SIM1: variants seen among roughly 807,000 people sequenced by gnomAD.
SIM1 encodes the protein SIM bHLH transcription factor 1.
In SIM1, 18 loss-of-function variants were observed where a neutral mutation model predicts 78.2. The ratio of observed to expected loss-of-function variants is 0.23; its 90% CI spans 0.16 to 0.34. SIM1 has a LOEUF of 0.34. Ranked by LOEUF, SIM1 falls within the 10% of genes least tolerant of loss-of-function variation. The pLI is 1.00. For missense variants in SIM1, 939 were observed against 975.1 expected (o/e 0.96, Z 0.49); for synonymous variants, 417 against 385.2 (o/e 1.08, Z -0.97).
At chr6:100,425,606 A>G (rs571044115) in intron 9 of SIM1, among the ~76,000 whole-genome samples, 1 of 152,196 alleles carries the variant, frequency 6.6e-6, no homozygotes, top group South Asian at 2.1e-4. Context: ...ACTAAGAACA[A>G]AGCATTTGTT....
At chr6:100,412,611 G>C (rs367757917) in intron 10 of SIM1, among the ~76,000 whole-genome samples, 1 of 67,636 alleles carries the variant, frequency 1.5e-5, no homozygotes, top group Non-Finnish European at 2.9e-5. Flanking sequence ...AAGAAAGAAA[G>C]GAAAGAAAGA....
intron 9 of SIM1, among the ~76,000 whole-genome samples, chr6:100,436,926 C>T (rs1772067068): frequency 2.0e-5 from 3 of 151,882 alleles, no homozygotes; most frequent in Admixed American, 6.6e-5. Flanking sequence ...TTAGTAACGA[C>T]GGGGTTTCAC....
chr6:100,390,918 A>G lies in SIM1; in HGVS notation c.1744T>C (p.Leu582=), dbSNP rs761882778. The G allele has an allele frequency of 2.2e-5, 36 of 1,613,978 alleles. 1 individual carries two copies. In the South Asian group the frequency reaches 3.7e-4, roughly 17 times the overall value. The change falls in exon 12 of 12, where the codon TTA becomes CTA. Residue 582 remains leucine (L), a synonymous_variant. Transcript: ENST00000369208. ...QQMIKEEENR[L]QLRKAPSDQL... ...TCTGAGGGGGCTTTCCTTAGCTGTA[A>G]TCTGTTCTCTTCTTCTTTAATCATT...
In SIM1 at chr6:100,385,010, C is replaced by G. The variant is rs2114450562; in HGVS notation, c.*5351G>C. 1.3e-5 allele frequency: 2 copies of G among 152,018 alleles called. No homozygotes were observed. The highest frequency in any genetic ancestry group is 3.9e-4 in the East Asian group (2 of 5,180). 9.4% of individuals were successfully genotyped at this position (152,018 alleles called of 1,614,324 possible). On this transcript the variant is annotated 3_prime_UTR_variant, in exon 12 of 12. Coordinates refer to ENST00000369208, the MANE Select transcript of SIM1 (RefSeq NM_005068.3). ...TTTCTTTCAATGAATAACCCAGACT[C>G]AAAGTGCATATTGGTAACTATATTT...
chr6:100,429,469 A>G (rs1168862871), intron 9 of SIM1, among the ~76,000 whole-genome samples: 4 of 152,162 alleles, frequency 2.6e-5, no homozygotes, highest in Non-Finnish European at 5.9e-5. Flanking sequence ...ACAATAATAG[A>G]ATTACTAAAT....
At chr6:100,420,255 GC>G (rs757555031) in intron 10 of SIM1, among the ~76,000 whole-genome samples, 2 of 152,044 alleles carry the variant, frequency 1.3e-5, no homozygotes, top group Non-Finnish European at 2.9e-5. Context: ...TCTCTACCTT[GC>G]AAAGATGAGC....
intron 9 of SIM1, 123 bp downstream of exon 9, chr6:100,447,145 C>G (rs573952660): frequency 6.4e-6 from 7 of 1,102,168 alleles, no homozygotes; most frequent in South Asian, 1.7e-5. Flanking sequence ...AGCCAGCACT[C>G]GAGGGTCAAA....
chr6:100,417,183 A>T lies in SIM1; in HGVS notation c.1167+3607T>A, dbSNP rs1311689580. 5.3e-5 allele frequency among the ~76,000 whole-genome samples: 8 copies of T among 151,998 alleles called. No homozygotes were observed. In the East Asian group the frequency reaches 1.3e-3, roughly 26 times the overall value. ...CCTGAAGTCCCCTCTCCTCTCCCTT[A>T]TGCCCATATACCTGAGTTCTACCCT... is the stretch of plus-strand genomic sequence containing the variant. On this transcript the variant is annotated intron_variant, in intron 10 of 11. Transcript: ENST00000369208.
rs1772575469 is a variant in SIM1, at chr6:100,453,779, C to T, written c.241G>A (p.Gly81Ser). The change falls in exon 3 of 12, where the codon GGC becomes AGC. Residue 81 changes from glycine to serine, a missense_variant. Around this residue, in one of 5 missense-constraint regions of SIM1, gnomAD observed 121 missense variants for 124.6 expected, o/e 0.97. Coordinates refer to ENST00000369208, the MANE Select transcript of SIM1 (RefSeq NM_005068.3). ...SPLDNVGREL[G>S]SHLLQTLDGF... ...ACCTGTACCTGGAGCAGATGGGAGCCCAGTTCTCGGCCAACGTTGTCCAGG... is the reference window on the plus strand; with the variant it reads ...ACCTGTACCTGGAGCAGATGGGAGCTCAGTTCTCGGCCAACGTTGTCCAGG... 1 of 1,611,558 alleles carries T rather than the reference C, an allele frequency of 6.2e-7. No individual in the cohort carries two copies. Among genetic ancestry groups the T allele is most frequent in the Non-Finnish European group, 8.5e-7 (1 of 1,178,928 alleles).
intron 9 of SIM1, among the ~76,000 whole-genome samples, chr6:100,431,199 T>A (rs1028343348): frequency 6.6e-5 from 10 of 152,234 alleles, no homozygotes; most frequent in African/African-American, 2.2e-4. Context: ...TTTGTTTAAC[T>A]TAAATATTTT....
chr6:100,405,403 G>A (rs1343611962), intron 10 of SIM1, among the ~76,000 whole-genome samples: 2 of 151,916 alleles, frequency 1.3e-5, no homozygotes, highest in Non-Finnish European at 2.9e-5. Context: ...GTTAATAAAA[G>A]TTTTAAATAT....
intron 9 of SIM1, among the ~76,000 whole-genome samples, chr6:100,441,992 A>G (rs1772231900): frequency 6.6e-6 from 1 of 152,158 alleles, no homozygotes; most frequent in Non-Finnish European, 1.5e-5. Context: ...AGTAGGAGTG[A>G]CACACCAGCT....
intron 4 of SIM1, 124 bp from the exon 5 acceptor site, chr6:100,449,823 A>T: frequency 2.7e-6 from 2 of 728,648 alleles, no homozygotes; most frequent in Non-Finnish European, 4.8e-6. Flanking sequence ...ATTGGCCCTG[A>T]GTTCCAATGC....
chr6:100,387,933 C>T lies in SIM1; in HGVS notation c.*2428G>A, dbSNP rs1770550799. 6.6e-6 allele frequency: 1 copy of T among 152,016 alleles called. No homozygotes were observed. The highest frequency in any genetic ancestry group is 1.5e-5 in the Non-Finnish European group (1 of 67,950). 9.4% of individuals were successfully genotyped at this position (152,016 alleles called of 1,614,324 possible). A position where few individuals can be genotyped will look rare whatever the true frequency, so the allele number is the denominator to read the frequency against. On this transcript the variant is annotated 3_prime_UTR_variant, in exon 12 of 12. Coordinates refer to ENST00000369208, the MANE Select transcript of SIM1 (RefSeq NM_005068.3). ...TGGCACATTTGGTAGAATATATAGC[C>T]ACCAGAAATACCCATCTGTGAAAAT... is the stretch of plus-strand genomic sequence containing the variant.
intron 9 of SIM1, among the ~76,000 whole-genome samples, chr6:100,425,303 G>A (rs990848131): frequency 5.3e-5 from 8 of 152,148 alleles, no homozygotes; most frequent in South Asian, 2.1e-4. Context: ...GTGTGAAAAC[G>A]GACTAATACA....
chr6:100,447,188 C>T (rs1431710572), intron 9 of SIM1, 80 bp downstream of exon 9: 1 of 1,524,966 alleles, frequency 6.6e-7, no homozygotes. Context: ...CCTTGTCTAA[C>T]CCGGCCGTGC....
At chr6:100,462,378 G>A (rs1271348737) in intron 2 of SIM1, among the ~76,000 whole-genome samples, 3 of 152,176 alleles carry the variant, frequency 2.0e-5, no homozygotes, top group African/African-American at 7.2e-5. Context: ...TTGAATCCAA[G>A]TAAAGGAAAA....
chr6:100,440,636 G>C (rs980007570), intron 9 of SIM1, among the ~76,000 whole-genome samples: 1 of 152,190 alleles, frequency 6.6e-6, no homozygotes, highest in Non-Finnish European at 1.5e-5. Context: ...TCTATTGACA[G>C]GTACTCAGGA....
Position 100,390,620 on chromosome 6 carries a change from T to A in SIM1, c.2042A>T (p.Asp681Val), listed in dbSNP as rs1430969049. The change falls in exon 12 of 12, where the codon GAT becomes GTT. Residue 681 changes from aspartate (D) to valine (V), a missense_variant. By Grantham distance (152) the Asp-to-Val change is radical (BLOSUM62 -3). Coordinates refer to ENST00000369208, the MANE Select transcript of SIM1 (RefSeq NM_005068.3). ...LILAKDYLHSDISPHQTAGDH... is the reference protein window; with the variant it reads ...LILAKDYLHSVISPHQTAGDH... ...TCCTGCTGTCTGATGAGGAGATATA[T>A]CCGAATGCAGATAGTCTTTAGCTAG... The A allele has an allele frequency of 6.2e-7, 1 of 1,614,164 alleles. No individual in the cohort carries two copies. The highest frequency in any genetic ancestry group is 1.7e-5 in the Admixed American group (1 of 60,016).
Sources: allele counts gnomAD v4.1 joint callset (sites outside exome capture counted in the v4.1 genomes callset), GRCh38; gene constraint gnomAD v4.1.1; regional missense constraint gnomAD v4.1.1; transcripts MANE v1.5; gene names NCBI Gene and HGNC (gene_info 2026-07-23, HGNC 2026-07-21).